MIB1: variants seen among roughly 807,000 people sequenced by gnomAD.
MIB1 encodes MIB E3 ubiquitin protein ligase 1.
Under a neutral mutation model 124.5 loss-of-function variants are expected in MIB1, and 278 were observed. The ratio of observed to expected loss-of-function variants is 2.23; its 90% confidence interval spans 2.02 to 2.47. The LOEUF (loss-of-function observed/expected upper bound fraction) is 2.47. MIB1 is among the 30% of genes most tolerant of loss of function. The pLI is 0.00. For synonymous variants in MIB1, 446 were observed against 429.4 expected (o/e 1.04, Z -0.48); for missense variants, 957 against 1,254.4 (o/e 0.76, Z 3.58).
Position 21,735,392 on chromosome 18 carries a change from C to A in MIB1, n.167+30269C>A, listed in dbSNP as rs746919454. ...AACCAGCAGACCAGGAAATTCCCTC[C>A]GGTGCCTACGCCACCAGGGCCCTGG... On this transcript the variant is annotated intron_variant and non_coding_transcript_variant, in intron 1 of 20. Transcript: ENST00000578646. 2.6e-5 allele frequency among the ~76,000 whole-genome samples: 4 copies of A among 152,162 alleles called. No individual in the cohort carries two copies. In the East Asian group the frequency reaches 5.8e-4, roughly 22 times the overall value.
At chr18:21,775,489 A>G (rs1217915188) in intron 4 of MIB1, among the ~76,000 whole-genome samples, 1 of 152,146 alleles carries the variant, frequency 6.6e-6, no homozygotes, top group Non-Finnish European at 1.5e-5. Context: ...GCGATCCCCC[A>G]CCTTGGCCTT....
At chr18:21,711,118 A>G (rs886463427) in intron 1 of MIB1, among the ~76,000 whole-genome samples, 2 of 151,574 alleles carry the variant, frequency 1.3e-5, no homozygotes, top group East Asian at 3.9e-4. Context: ...TGAGCCACTG[A>G]ACTTGGCCTA....
intron 10 of MIB1, among the ~76,000 whole-genome samples, chr18:21,810,861 A>G (rs913921900): frequency 2.6e-5 from 4 of 152,106 alleles, no homozygotes; most frequent in African/African-American, 7.2e-5. Context: ...AGTACAGTCA[A>G]CAAAAGAAAA....
intron 1 of MIB1, among the ~76,000 whole-genome samples, chr18:21,755,746 A>T (rs1328929974): frequency 6.6e-6 from 1 of 152,194 alleles, no homozygotes; most frequent in Non-Finnish European, 1.5e-5. Flanking sequence ...TGGCTTTGGA[A>T]TACTTATTTA....
chr18:21,765,890 TA>T lies in MIB1; in HGVS notation c.351del (p.Lys117AsnfsTer4), dbSNP rs1219356052. The T allele has an allele frequency of 6.2e-7, 1 of 1,614,168 alleles. No individual in the cohort carries two copies. The highest frequency in any genetic ancestry group is 1.1e-5 in the South Asian group (1 of 91,078). ...DLCTVCYHGD[K>X]HHLRHRFYRI... is the part of the protein sequence containing the mutation. ...TGTGCACAGTGTGTTATCATGGAGA[TA>T]AACATCATTTAAGACATCGCTTTTA... On this transcript the variant is annotated frameshift_variant, in exon 2 of 21. Transcript: ENST00000261537. LOFTEE classifies it high-confidence loss of function.
intron 1 of MIB1, among the ~76,000 whole-genome samples, chr18:21,764,728 GAA>G (rs5823309): frequency 1.4e-5 from 2 of 147,108 alleles, no homozygotes; most frequent in Non-Finnish European, 3.0e-5. Flanking sequence ...CAGTTATTTT[GAA>G]AAAAAAAACA....
chr18:21,836,504 C>G (rs2042034381), intron 12 of MIB1, among the ~76,000 whole-genome samples: 1 of 151,764 alleles, frequency 6.6e-6, no homozygotes, highest in African/African-American at 2.4e-5. Context: ...CCTTTTTTGT[C>G]CCGACCAACA....
intron 1 of MIB1, among the ~76,000 whole-genome samples, chr18:21,760,730 A>C (rs1045224836): frequency 7.2e-5 from 11 of 152,176 alleles, no homozygotes; most frequent in African/African-American, 2.7e-4. Context: ...AAAATATGTA[A>C]ATGAGGCAGT....
chr18:21,719,352 C>G (rs1281577756), intron 1 of MIB1, among the ~76,000 whole-genome samples: 1 of 149,628 alleles, frequency 6.7e-6, no homozygotes, highest in African/African-American at 2.6e-5. Context: ...AAAAAAGGAC[C>G]ATATGAAATC....
chr18:21,802,958 G>A (rs969421798), intron 9 of MIB1, among the ~76,000 whole-genome samples: 3 of 152,120 alleles, frequency 2.0e-5, no homozygotes, highest in Non-Finnish European at 2.9e-5. Context: ...CTTGGAGTGT[G>A]GCCATTGCAC....
intron 12 of MIB1, among the ~76,000 whole-genome samples, chr18:21,823,439 G>A (rs997742234): frequency 6.6e-6 from 1 of 151,508 alleles, no homozygotes; most frequent in African/African-American, 2.4e-5. Context: ...AAGAAAACCA[G>A]ATATAGCACG....
In MIB1 at chr18:21,849,250, A is replaced by T. The variant is rs1230394967; in HGVS notation, c.2448A>T (p.Leu816Phe). The T allele has an allele frequency of 6.2e-7, 1 of 1,610,634 alleles. No individual in the cohort carries two copies. Reference sequence around the variant, plus strand: ...TGATTAGTAATGATTCTGAAACCTTAGAAGAGTGTATGGTGTGCTCAGATA... The same window carrying T: ...TGATTAGTAATGATTCTGAAACCTTTGAAGAGTGTATGGTGTGCTCAGATA... ...PSMISNDSET[L>F]EECMVCSDMK... The change falls in exon 17 of 21, where the codon TTA becomes TTT. Residue 816 changes from leucine to phenylalanine, a missense_variant. Coordinates refer to ENST00000261537, the MANE Select transcript of MIB1 (RefSeq NM_020774.4).
chr18:21,719,594 A>G (rs2040705251), intron 1 of MIB1, among the ~76,000 whole-genome samples: 1 of 149,788 alleles, frequency 6.7e-6, no homozygotes. Context: ...CGATGGGTAT[A>G]CGTCACCACG....
At chr18:21,782,349 C>G (rs975448051) in intron 6 of MIB1, among the ~76,000 whole-genome samples, 6 of 152,136 alleles carry the variant, frequency 3.9e-5, no homozygotes, top group African/African-American at 1.4e-4. Context: ...TCTTGAACTC[C>G]TGACCTCCCG....
At chr18:21,715,268 C>A (rs1246696329) in intron 1 of MIB1, among the ~76,000 whole-genome samples, 1 of 152,138 alleles carries the variant, frequency 6.6e-6, no homozygotes, top group East Asian at 1.9e-4. Flanking sequence ...AGATAACAGT[C>A]AGTACAGCTT....
chr18:21,791,296 T>C, intron 6 of MIB1, 78 bp from the exon 7 acceptor site: 1 of 1,227,118 alleles, frequency 8.1e-7, no homozygotes, highest in Non-Finnish European at 1.1e-6. Flanking sequence ...CCTTACTCTT[T>C]TGATCTTCAC....
chr18:21,851,410 A>G (rs542836381), intron 17 of MIB1, among the ~76,000 whole-genome samples: 1 of 152,138 alleles, frequency 6.6e-6, no homozygotes, highest in Admixed American at 6.5e-5. Context: ...AAAGTTTTAT[A>G]ATTTATAATC....
rs1443155269 is a variant in MIB1 at position 21,741,790 on chromosome 18, C to T, written c.207C>T (p.Arg69=). 1.2e-6 allele frequency: 2 copies of T among 1,604,820 alleles called. No individual in the cohort carries two copies. The highest frequency in any genetic ancestry group is 1.7e-6 in the Non-Finnish European group (2 of 1,176,622). The change falls in exon 1 of 21, where the codon CGC becomes CGT. Residue 69 remains arginine, a synonymous_variant. Transcript: ENST00000261537. The surrounding 1 kb of genome is among the most constrained non-coding windows in gnomAD (Gnocchi z 5.4). Reference sequence around the variant, plus strand: ...GCTGCTCCGGGGCTTACGACCTCCGCATCCTGGACAGCGCGCCCACCGGTA... The same window carrying T: ...GCTGCTCCGGGGCTTACGACCTCCGTATCCTGGACAGCGCGCCCACCGGTA... The part of the protein sequence containing the change: ...NYRCSGAYDL[R]ILDSAPTGIK...
At chr18:21,750,954 T>A (rs545937150) in intron 1 of MIB1, among the ~76,000 whole-genome samples, 9 of 152,094 alleles carry the variant, frequency 5.9e-5, no homozygotes. Context: ...CCTAGCACTT[T>A]GGGAGGCTGA....
Sources: gnomAD v4.1 joint callset for allele counts (sites outside exome capture counted in the v4.1 genomes callset) on GRCh38, gnomAD v4.1.1 for gene constraint, Gnocchi (gnomAD v3.1) non-coding constraint, MANE v1.5 for transcripts, NCBI Gene and HGNC (gene_info 2026-07-23, HGNC 2026-07-21) for gene names.